The following WWP2 variants were observed in gnomAD, a reference collection of about 807,000 sequenced individuals.
WWP2 encodes WW domain containing E3 ubiquitin protein ligase 2, also known as NEDD4-like E3 ubiquitin-protein ligase WWP2.
WWP2 carries 57 observed loss-of-function variants against 121.0 expected under a neutral mutation model. That is an observed-to-expected ratio of 0.47 (90% CI 0.38 to 0.59). The LOEUF (loss-of-function observed/expected upper bound fraction) is 0.59. Ranked by LOEUF, WWP2 falls within the 20% of genes least tolerant of loss-of-function variation. The probability of loss-of-function intolerance (pLI) is 0.00; values close to 1 mark genes in which losing one functional copy is unlikely to be tolerated. For synonymous variants in WWP2, 449 were observed against 441.3 expected (o/e 1.02, Z -0.22); for missense variants, 962 against 1,158.9 (o/e 0.83, Z 2.47).
At chr16:69,933,528 G>A (rs2058750618) in intron 16 of WWP2, among the ~76,000 whole-genome samples, 1 of 152,194 alleles carries the variant, frequency 6.6e-6, no homozygotes, top group East Asian at 1.9e-4. Context: ...CCCAGGTAGA[G>A]TGGAAACAGG....
intron 8 of WWP2, among the ~76,000 whole-genome samples, chr16:69,906,356 G>T (rs1011336983): frequency 6.6e-6 from 1 of 152,146 alleles, no homozygotes. Context: ...ACAGGTGTCA[G>T]CCACCGCACC....
chr16:69,871,605 T>G, intron 6 of WWP2, 199 bp from the exon 7 acceptor site: 3 of 629,694 alleles, frequency 4.8e-6, no homozygotes, highest in Non-Finnish European at 7.7e-6. Context: ...AGTTACCTTC[T>G]GAGCTTTTAC....
intron 16 of WWP2, chr16:69,933,137 TG>T: frequency 2.0e-6 from 1 of 509,538 alleles, no homozygotes; most frequent in South Asian, 1.5e-5. Context: ...TACGTCATGC[TG>T]TTCTACCACA....
At chr16:69,934,156 G>A in intron 17 of WWP2, 27 bp downstream of exon 17, 2 of 1,612,180 alleles carry the variant, frequency 1.2e-6, no homozygotes, top group Non-Finnish European at 1.7e-6. Context: ...GGTCTGCCTA[G>A]TTCCCTCCTC....
At chr16:69,766,788 C>T (rs1567651496) in intron 1 of WWP2, among the ~76,000 whole-genome samples, 2 of 152,142 alleles carry the variant, frequency 1.3e-5, no homozygotes, top group Non-Finnish European at 1.5e-5. Context: ...GAGTGTTGTT[C>T]TGTTGCCCAG....
At chr16:69,883,398 G>GAGCA (rs1555499682) in intron 7 of WWP2, among the ~76,000 whole-genome samples, 1 of 96,166 alleles carries the variant, frequency 1.0e-5, no homozygotes, top group Non-Finnish European at 2.0e-5. Flanking sequence ...CTAAGAATGT[G>GAGCA]CGCACACACA....
At position 69,935,839 on chromosome 16, in the gene WWP2, C is replaced by T. The variant is rs1322057046; in HGVS notation, c.1843-14C>T. ...GGAAGGCCAAACCTCTGTGCTGTGC[C>T]TCTTCCTTCCCAGGCGCTGTACCAT... On this transcript the variant is annotated splice_polypyrimidine_tract_variant and intron_variant, in intron 17 of 23. Coordinates refer to ENST00000359154, the MANE Select transcript of WWP2 (RefSeq NM_001270454.2). This position sits in a 1 kb window ranked among gnomAD's most constrained non-coding sequence, Gnocchi z 5.2. 1.2e-6 allele frequency: 2 copies of T among 1,607,870 alleles called. No homozygotes were observed. The highest frequency in any genetic ancestry group is 1.3e-5 in the African/African-American group (1 of 74,940).
At chr16:69,869,892 A>T (rs2057601249) in intron 6 of WWP2, among the ~76,000 whole-genome samples, 1 of 152,218 alleles carries the variant, frequency 6.6e-6, no homozygotes, top group African/African-American at 2.4e-5. Flanking sequence ...AAAGACTCCC[A>T]GCAGGGTCGT....
Position 69,908,838 on chromosome 16 carries a change from C to T in WWP2, c.992C>T (p.Pro331Leu). 6.2e-7 allele frequency: 1 copy of T among 1,614,178 alleles called. No individual in the cohort carries two copies. The highest frequency in any genetic ancestry group is 8.5e-7 in the Non-Finnish European group (1 of 1,180,034). ...ACCAAGACCACCACCTGGGAGCGGCCCCTTCCTCCAGGGTAGGTCATCAAC... is the reference window on the plus strand; with the variant it reads ...ACCAAGACCACCACCTGGGAGCGGCTCCTTCCTCCAGGGTAGGTCATCAAC... ...HNTKTTTWER[P>L]LPPGWEKRTD... is the part of the protein sequence containing the mutation. Residue 331 changes from proline (P) to leucine (L), a missense_variant, in exon 9 of 24, where the codon CCC (proline) becomes CTC (leucine). By Grantham distance (98) the Pro-to-Leu change is moderately conservative (BLOSUM62 -3). Coordinates refer to ENST00000359154, the MANE Select transcript of WWP2 (RefSeq NM_001270454.2).
At chr16:69,921,312 G>C (rs1405437038) in intron 10 of WWP2, among the ~76,000 whole-genome samples, 1 of 152,142 alleles carries the variant, frequency 6.6e-6, no homozygotes, top group African/African-American at 2.4e-5. Context: ...GTTTGGCTTA[G>C]GCCCAGAGTT....
chr16:69,933,320 C>A, intron 16 of WWP2: 1 of 356,202 alleles, frequency 2.8e-6, no homozygotes, highest in East Asian at 7.5e-5. Context: ...GCACCCAGGG[C>A]ACGGGTGTTG....
chr16:69,835,327 G>A (rs982175891), intron 4 of WWP2, among the ~76,000 whole-genome samples: 3 of 152,120 alleles, frequency 2.0e-5, no homozygotes, highest in African/African-American at 4.8e-5. Flanking sequence ...CTGTATGCTC[G>A]AATCTGTCAC....
At chr16:69,892,100 T>C (rs957489389) in intron 8 of WWP2, among the ~76,000 whole-genome samples, 1 of 152,232 alleles carries the variant, frequency 6.6e-6, no homozygotes, top group African/African-American at 2.4e-5. Flanking sequence ...CTAGCACATA[T>C]GCACCTAGCC....
At chr16:69,771,361 C>T (rs2151768063) in intron 1 of WWP2, among the ~76,000 whole-genome samples, 1 of 152,342 alleles carries the variant, frequency 6.6e-6, no homozygotes, top group Admixed American at 6.5e-5. Flanking sequence ...TATTCTCTTG[C>T]CTCAGCTCCT....
At chr16:69,911,926 C>T (rs901683937) in intron 9 of WWP2, among the ~76,000 whole-genome samples, 2 of 152,070 alleles carry the variant, frequency 1.3e-5, no homozygotes, top group Non-Finnish European at 2.9e-5. Context: ...ACCAGGAAGC[C>T]GGCTGATGTG....
At position 69,871,795 on chromosome 16, in the gene WWP2, AACCCCCAGG is replaced by A. The variant is rs1180370395; in HGVS notation, c.576-6_578del. 3.7e-6 allele frequency: 6 copies of A among 1,613,904 alleles called. No homozygotes were observed. The highest frequency in any genetic ancestry group is 5.1e-6 in the Non-Finnish European group (6 of 1,179,962). On this transcript the variant is annotated splice_acceptor_variant and splice_polypyrimidine_tract_variant and coding_sequence_variant and intron_variant, in exon 7 of 24. Transcript: ENST00000359154. LOFTEE classifies it high-confidence loss of function. Reference sequence around the variant, plus strand: ...TTATGTCTGTCTGCTTTCTACTTTGAACCCCCAGGACGCACAGACATTCGGGTGCTTCAG... The same window carrying A: ...TTATGTCTGTCTGCTTTCTACTTTGAACGCACAGACATTCGGGTGCTTCAG...
intron 22 of WWP2, 105 bp from the exon 23 acceptor site, chr16:69,939,236 G>C (rs908894155): frequency 3.2e-6 from 5 of 1,561,554 alleles, no homozygotes; most frequent in African/African-American, 1.4e-5. Context: ...AAGAGCTGTG[G>C]CCTCTGCATC....
intron 17 of WWP2, among the ~76,000 whole-genome samples, chr16:69,934,713 C>A (rs990702572): frequency 6.6e-6 from 1 of 150,794 alleles, no homozygotes; most frequent in Non-Finnish European, 1.5e-5. Flanking sequence ...GCCCAGAGAC[C>A]CTGGGCCCCC....
At chr16:69,784,353 GC>G (rs1246456969) in intron 1 of WWP2, among the ~76,000 whole-genome samples, 1 of 152,088 alleles carries the variant, frequency 6.6e-6, no homozygotes, top group African/African-American at 2.4e-5. Flanking sequence ...ACCCGCCTTG[GC>G]CTCCCAGAGC....
Sources: gnomAD v4.1 joint callset for allele counts (sites outside exome capture counted in the v4.1 genomes callset) on GRCh38, gnomAD v4.1.1 for gene constraint, Gnocchi (gnomAD v3.1) non-coding constraint, MANE v1.5 for transcripts, NCBI Gene and HGNC (gene_info 2026-07-23, HGNC 2026-07-21) for gene names.